Variants in CDH8 observed in about 807,000 individuals in gnomAD.
CDH8 encodes the protein cadherin-8.
CDH8 carries 17 observed loss-of-function variants against 68.1 expected under a neutral mutation model. The observed-to-expected ratio is 0.25, with a 90% CI of 0.17 to 0.37. The LOEUF (loss-of-function observed/expected upper bound fraction) is 0.37. Among genes scored for constraint, CDH8 ranks in the 10% least tolerant of loss-of-function variants. The pLI is 1.00. For synonymous variants in CDH8, 372 were observed against 365.1 expected, an observed-to-expected ratio of 1.02 and a Z score of -0.21; for missense variants, 763 against 999.3, an observed-to-expected ratio of 0.76 and a Z score of 3.19.
chr16:61,893,415 A>AGTGTGTGTGTGT (rs139637026), intron 3 of CDH8, among the ~76,000 whole-genome samples: 1 of 145,662 alleles, frequency 6.9e-6, no homozygotes, highest in African/African-American at 2.5e-5. Flanking sequence ...TGTGTGTGTG[A>AGTGTGTGTGTGT]GTGTGTGTGT....
chr16:61,891,827 A>C lies in CDH8; in HGVS notation c.547+9352T>G, dbSNP rs191829101. Among the ~76,000 whole-genome samples the C allele has an allele frequency of 1.1e-3, 170 of 152,314 alleles. 1 individual carries two copies. The highest frequency in any genetic ancestry group is 6.8e-3 in the Middle Eastern group (2 of 294). ...CATCACGCTGAATGAAACAAGAAAAAATATAATCAAATCCATCAAGATATG... is the reference window on the plus strand; with the variant it reads ...CATCACGCTGAATGAAACAAGAAAACATATAATCAAATCCATCAAGATATG... On this transcript the variant is annotated intron_variant, in intron 3 of 11. Coordinates refer to ENST00000577390, the MANE Select transcript of CDH8 (RefSeq NM_001796.5).
chr16:61,811,734 C>T (rs1442631628), intron 7 of CDH8, among the ~76,000 whole-genome samples: 1 of 152,014 alleles, frequency 6.6e-6, no homozygotes, highest in Non-Finnish European at 1.5e-5. Flanking sequence ...ACAAGGAGAT[C>T]CTGCAATACG....
intron 3 of CDH8, among the ~76,000 whole-genome samples, chr16:61,863,071 C>T (rs916177548): frequency 1.3e-5 from 2 of 152,100 alleles, no homozygotes; most frequent in African/African-American, 4.8e-5. Context: ...CAGCTGTTGT[C>T]AACAAAAATG....
intron 2 of CDH8, among the ~76,000 whole-genome samples, chr16:61,956,131 T>C (rs1283476568): frequency 1.3e-5 from 2 of 152,206 alleles, no homozygotes; most frequent in African/African-American, 2.4e-5. Context: ...AACTTAGTAA[T>C]AAGACAAAGA....
chr16:61,912,210 T>C (rs1159369739), intron 2 of CDH8, among the ~76,000 whole-genome samples: 4 of 152,008 alleles, frequency 2.6e-5, no homozygotes, highest in Middle Eastern at 3.2e-3. Context: ...TGGAAGAACA[T>C]TACAATTGAG....
intron 2 of CDH8, among the ~76,000 whole-genome samples, chr16:61,986,822 G>C (rs954192726): frequency 6.6e-6 from 1 of 152,120 alleles, no homozygotes; most frequent in Non-Finnish European, 1.5e-5. Context: ...ATTTACATTT[G>C]AAAGAATCAA....
intron 3 of CDH8, among the ~76,000 whole-genome samples, chr16:61,890,551 T>C (rs976989329): frequency 1.3e-5 from 2 of 152,154 alleles, no homozygotes; most frequent in Admixed American, 1.3e-4. Context: ...CAAATCACAG[T>C]CCGCCAGGAA....
chr16:61,984,599 C>T (rs76690802), intron 2 of CDH8, among the ~76,000 whole-genome samples: 5,393 of 152,018 alleles, frequency 0.035, 230 homozygotes, highest in African/African-American at 0.1. Context: ...TTCTAATAAA[C>T]ATCGTTTTTC....
chr16:61,884,329 C>A (rs1963631819), intron 3 of CDH8, among the ~76,000 whole-genome samples: 1 of 151,890 alleles, frequency 6.6e-6, no homozygotes, highest in Non-Finnish European at 1.5e-5. Context: ...TTATAATGGT[C>A]AACTTCCACG....
chr16:61,775,610 T>A (rs2142991069), intron 8 of CDH8, among the ~76,000 whole-genome samples: 1 of 152,214 alleles, frequency 6.6e-6, no homozygotes, highest in African/African-American at 2.4e-5. Context: ...TCACCGGGGC[T>A]TCCTGTTGCT....
chr16:61,988,924 A>G (rs1314804226), intron 2 of CDH8, among the ~76,000 whole-genome samples: 3 of 152,226 alleles, frequency 2.0e-5, no homozygotes, highest in Admixed American at 6.5e-5. Flanking sequence ...CACTGCATCA[A>G]TATAATTTCA....
intron 7 of CDH8, among the ~76,000 whole-genome samples, chr16:61,808,565 G>A (rs1961860618): frequency 1.3e-5 from 2 of 152,134 alleles, no homozygotes; most frequent in African/African-American, 2.4e-5. Context: ...GATTCCAAGG[G>A]CTCTAAGGCA....
chr16:61,657,708 G>A (rs1963475735), intron 10 of CDH8, among the ~76,000 whole-genome samples: 1 of 152,030 alleles, frequency 6.6e-6, no homozygotes. Flanking sequence ...GATAGAATTT[G>A]TTCTTCAAGG....
intron 8 of CDH8, among the ~76,000 whole-genome samples, chr16:61,744,123 C>T (rs927382915): frequency 2.6e-5 from 4 of 152,000 alleles, no homozygotes; most frequent in Admixed American, 1.3e-4. Flanking sequence ...GTAACTCTTT[C>T]GTGCAGTATT....
chr16:61,803,269 G>T (rs1961703514), intron 7 of CDH8, among the ~76,000 whole-genome samples: 1 of 127,736 alleles, frequency 7.8e-6, no homozygotes, highest in Non-Finnish European at 1.6e-5. Flanking sequence ...CAAATGCTGA[G>T]AGACTTGGTC....
At chr16:61,940,402 T>TC (rs1390032053) in intron 2 of CDH8, 1 of 145,072 alleles carries the variant, frequency 6.9e-6, no homozygotes, top group African/African-American at 2.7e-5. Context: ...CTTGATCTTT[T>TC]TTTTTTTTTT....
chr16:61,763,352 A>G (rs887468396), intron 8 of CDH8, among the ~76,000 whole-genome samples: 2 of 152,200 alleles, frequency 1.3e-5, no homozygotes, highest in African/African-American at 2.4e-5. Flanking sequence ...CACTAAGCTC[A>G]TAACAGGAAC....
At chr16:62,023,523 CT>C (rs755131276) in intron 1 of CDH8, among the ~76,000 whole-genome samples, 17 of 152,270 alleles carry the variant, frequency 1.1e-4, no homozygotes, top group Non-Finnish European at 1.9e-4. Flanking sequence ...ATGGGAAATA[CT>C]TGGTAAACTG....
chr16:61,969,101 A>G (rs1012389730), intron 2 of CDH8, among the ~76,000 whole-genome samples: 1 of 152,214 alleles, frequency 6.6e-6, no homozygotes, highest in African/African-American at 2.4e-5. Context: ...GGAGAAACAG[A>G]AATAAAAGCG....
Sources: gnomAD v4.1 joint callset for allele counts (sites outside exome capture counted in the v4.1 genomes callset) on GRCh38, gnomAD v4.1.1 for gene constraint, MANE v1.5 for transcripts, NCBI Gene and HGNC (gene_info 2026-07-23, HGNC 2026-07-21) for gene names.